Variants in NEMP2 observed in about 807,000 individuals in gnomAD.
NEMP2 encodes UPF0571 transmembrane protein.
Under a neutral mutation model 54.2 loss-of-function variants are expected in NEMP2, and 53 were observed. The observed-to-expected ratio is 0.98, with a 90% CI of 0.78 to 1.23. NEMP2 has a LOEUF of 1.23. NEMP2 is among the 50% of genes most tolerant of loss of function. The pLI is 0.00. For synonymous variants in NEMP2, 197 were observed against 190.3 expected (o/e 1.04, Z -0.29); for missense variants, 455 against 511.3 (o/e 0.89, Z 1.06).
chr2:190,562,730 T>A, the NEMP2 span, among the ~76,000 whole-genome samples: 1 of 151,994 alleles, frequency 6.6e-6, no homozygotes, highest in Non-Finnish European at 1.5e-5. The surrounding 1 kb of genome is among the most constrained non-coding windows in gnomAD (Gnocchi z 5.0). Context: ...TTTTTTTAAA[T>A]ATCATGTATA....
the NEMP2 span, among the ~76,000 whole-genome samples, chr2:190,572,836 TATATA>T: frequency 0.039 from 3,635 of 93,868 alleles, 262 homozygotes; most frequent in Non-Finnish European, 0.046. Context: ...TTCATGAGTA[TATATA>T]TATATATATA....
the NEMP2 span, among the ~76,000 whole-genome samples, chr2:190,428,961 C>T: frequency 6.6e-6 from 1 of 152,204 alleles, no homozygotes; most frequent in South Asian, 2.1e-4. Context: ...GTGTGAGCCA[C>T]CATGCCCAGC....
chr2:190,499,908 T>G, downstream of NEMP2: 1 of 1,575,696 alleles, frequency 6.3e-7, no homozygotes. The surrounding 1 kb of genome is among the most constrained non-coding windows in gnomAD (Gnocchi z 6.0). Flanking sequence ...AAATGGGCAC[T>G]TCCGGATGAT....
At chr2:190,467,620 G>T in the NEMP2 span, among the ~76,000 whole-genome samples, 203 of 152,154 alleles carry the variant, frequency 1.3e-3, 4 homozygotes, top group East Asian at 0.022. This position sits in a 1 kb window ranked among gnomAD's most constrained non-coding sequence, Gnocchi z 5.5. Flanking sequence ...CTCAAAAAAA[G>T]AAAAAGAATT....
At chr2:190,547,089 C>CT in the NEMP2 span, among the ~76,000 whole-genome samples, 1 of 152,360 alleles carries the variant, frequency 6.6e-6, no homozygotes, top group East Asian at 1.9e-4. The surrounding 1 kb of genome is among the most constrained non-coding windows in gnomAD (Gnocchi z 6.2). Context: ...CTCTCATCTT[C>CT]ACCTTCTCGT....
At chr2:190,467,451 A>C in the NEMP2 span, among the ~76,000 whole-genome samples, 1 of 152,190 alleles carries the variant, frequency 6.6e-6, no homozygotes. This position sits in a 1 kb window ranked among gnomAD's most constrained non-coding sequence, Gnocchi z 5.5. Flanking sequence ...CGTCTCTACT[A>C]AAAATACAAA....
the NEMP2 span, among the ~76,000 whole-genome samples, chr2:190,443,491 C>T: frequency 6.6e-6 from 1 of 152,158 alleles, no homozygotes; most frequent in Non-Finnish European, 1.5e-5. This position sits in a 1 kb window ranked among gnomAD's most constrained non-coding sequence, Gnocchi z 4.2. Flanking sequence ...TTTATAACTA[C>T]AAGACCCATT....
At chr2:190,458,593 C>G in the NEMP2 span, among the ~76,000 whole-genome samples, 1 of 152,158 alleles carries the variant, frequency 6.6e-6, no homozygotes, top group Non-Finnish European at 1.5e-5. This position sits in a 1 kb window ranked among gnomAD's most constrained non-coding sequence, Gnocchi z 5.3. Flanking sequence ...GTTTTAGATT[C>G]CCTTCCCCCC....
At chr2:190,534,072 A>G in intron 1 of NEMP2, 1 of 985,830 alleles carries the variant, frequency 1.0e-6, no homozygotes, top group Non-Finnish European at 1.2e-6. Context: ...CAGGGGCAGA[A>G]GAATTTTCGC....
chr2:190,452,590 G>A, the NEMP2 span, among the ~76,000 whole-genome samples: 1 of 152,112 alleles, frequency 6.6e-6, no homozygotes, highest in Non-Finnish European at 1.5e-5. Flanking sequence ...AGCTTCATAG[G>A]CACAGGGTTA....
Position 190,508,154 on chromosome 2 carries a change from AG to A in NEMP2, c.*1034del, listed in dbSNP as rs1318669912. On this transcript the variant is annotated 3_prime_UTR_variant, in exon 9 of 9. Coordinates refer to ENST00000409150, the MANE Select transcript of NEMP2 (RefSeq NM_001142645.2). This position sits in a 1 kb window ranked among gnomAD's most constrained non-coding sequence, Gnocchi z 4.3. ...ATCAGTCAATTCAAAATATCACAAG[AG>A]CTTAAGTGCCTTCAATTTCAAAATA... 2.0e-5 allele frequency: 3 copies of A among 152,204 alleles called. No individual in the cohort carries two copies. Among genetic ancestry groups the A allele is most frequent in the Admixed American group, 6.5e-5 (1 of 15,276 alleles). The allele number at this position is 152,204 out of a possible 1,614,324, so 9.4% of individuals were successfully genotyped here.
At chr2:190,465,075 C>A in the NEMP2 span, 1 of 239,260 alleles carries the variant, frequency 4.2e-6, no homozygotes, top group Non-Finnish European at 6.8e-6. The surrounding 1 kb of genome is among the most constrained non-coding windows in gnomAD (Gnocchi z 4.6). Context: ...AAGATAACCA[C>A]AAATCAGCTT....
the NEMP2 span, among the ~76,000 whole-genome samples, chr2:190,638,867 AC>A: frequency 6.6e-6 from 1 of 152,142 alleles, no homozygotes; most frequent in African/African-American, 2.4e-5. This position sits in a 1 kb window ranked among gnomAD's most constrained non-coding sequence, Gnocchi z 5.7. Flanking sequence ...GCAGCACTGG[AC>A]CAGTTTGGCA....
In NEMP2 at chr2:190,507,481, GATACATTT is replaced by G. The variant is rs2125298236; in HGVS notation, c.*1700_*1707del. Reference sequence around the variant, plus strand: ...GGTGAGCACAGGCACTGATACATCTGATACATTTATATCACCAATAAATATAATTTAAA... The same window carrying G: ...GGTGAGCACAGGCACTGATACATCTGATATCACCAATAAATATAATTTAAA... On this transcript the variant is annotated 3_prime_UTR_variant, in exon 9 of 9. Coordinates refer to ENST00000409150, the MANE Select transcript of NEMP2 (RefSeq NM_001142645.2). This position sits in a 1 kb window ranked among gnomAD's most constrained non-coding sequence, Gnocchi z 4.4. The G allele has an allele frequency of 6.6e-6, 1 of 152,138 alleles. No homozygotes were observed. Among genetic ancestry groups the G allele is most frequent in the South Asian group, 2.1e-4 (1 of 4,816 alleles). The allele number at this position is 152,138 out of a possible 1,614,324, so 9.4% of individuals were successfully genotyped here. A position where few individuals can be genotyped will look rare whatever the true frequency, so the allele number is the denominator to read the frequency against.
At chr2:190,502,230 G>A (rs956515440), downstream of NEMP2, 5 of 152,064 alleles carry the variant, frequency 3.3e-5, no homozygotes, top group African/African-American at 1.2e-4. This position sits in a 1 kb window ranked among gnomAD's most constrained non-coding sequence, Gnocchi z 4.4. Context: ...CACCTTCATG[G>A]GTTTGTGGAC....
At chr2:190,439,521 G>A in the NEMP2 span, among the ~76,000 whole-genome samples, 55 of 152,126 alleles carry the variant, frequency 3.6e-4, no homozygotes, top group African/African-American at 1.3e-3. This position sits in a 1 kb window ranked among gnomAD's most constrained non-coding sequence, Gnocchi z 5.8. Flanking sequence ...TTTGCCTTTT[G>A]TCTGAGACAT....
At chr2:190,613,990 T>C in the NEMP2 span, among the ~76,000 whole-genome samples, 30 of 151,156 alleles carry the variant, frequency 2.0e-4, 1 homozygote, top group Admixed American at 2.0e-4. Context: ...CCTTTTTCTG[T>C]TGAAGTATTT....
the NEMP2 span, among the ~76,000 whole-genome samples, chr2:190,451,028 G>A: frequency 6.6e-6 from 1 of 152,192 alleles, no homozygotes; most frequent in Non-Finnish European, 1.5e-5. This position sits in a 1 kb window ranked among gnomAD's most constrained non-coding sequence, Gnocchi z 5.0. Context: ...AATGAGAAGA[G>A]AGCAAGTTGG....
the NEMP2 span, among the ~76,000 whole-genome samples, chr2:190,453,332 AAT>A: frequency 1.3e-5 from 2 of 152,006 alleles, no homozygotes; most frequent in Non-Finnish European, 2.9e-5. Flanking sequence ...GAACTTGTGG[AAT>A]TTCTATGAGA....
Sources: allele counts gnomAD v4.1 joint callset (sites outside exome capture counted in the v4.1 genomes callset), GRCh38; gene constraint gnomAD v4.1.1; non-coding constraint Gnocchi (gnomAD v3.1); transcripts MANE v1.5; gene names NCBI Gene and HGNC (gene_info 2026-07-23, HGNC 2026-07-21).